The following TFAP2B variants were observed in gnomAD, a reference collection of about 807,000 sequenced individuals.
TFAP2B encodes transcription factor AP-2-beta.
In TFAP2B, 9 loss-of-function variants were observed where a neutral mutation model predicts 44.3. The observed-to-expected ratio is 0.20, with a 90% CI of 0.12 to 0.35. TFAP2B has a LOEUF of 0.35. Among genes scored for constraint, TFAP2B ranks in the 10% least tolerant of loss-of-function variants. The pLI, the probability that TFAP2B is intolerant of heterozygous loss-of-function variation, is 1.00. For missense variants in TFAP2B, 509 were observed against 600.0 expected (o/e 0.85, Z 1.59); for synonymous variants, 270 against 263.8 (o/e 1.02, Z -0.23).
intron 3 of TFAP2B, 126 bp downstream of exon 3, chr6:50,828,805 C>A: frequency 4.5e-6 from 5 of 1,118,652 alleles, no homozygotes; most frequent in African/African-American, 1.5e-5. Context: ...AATTATAGGA[C>A]AATGGCTGTC....
Position 50,836,182 on chromosome 6 carries a change from T to C in TFAP2B, c.723T>C (p.Ser241=). The change falls in exon 4 of 7, where the codon AGT becomes AGC. Residue 241 remains serine (S), a synonymous_variant. Coordinates refer to ENST00000393655, the MANE Select transcript of TFAP2B (RefSeq NM_003221.4). The part of the protein sequence containing the change: ...CSVPGRLSLL[S]STSKYKVTVG... ...TCCCAGGCCGTTTGTCTCTGCTCAG[T>C]TCAACTTCGAAGTACAAAGTAACTG... 1.2e-6 allele frequency: 2 copies of C among 1,614,044 alleles called. No individual in the cohort carries two copies. The highest frequency in any genetic ancestry group is 1.7e-6 in the Non-Finnish European group (2 of 1,180,030).
intron 6 of TFAP2B, 111 bp from the exon 7 acceptor site, chr6:50,842,981 C>T (rs967595786): frequency 7.0e-7 from 1 of 1,419,320 alleles, no homozygotes; most frequent in Non-Finnish European, 1.0e-6. Flanking sequence ...CCCACATTAG[C>T]CTCGCTCTTC....
chr6:50,824,640 T>C (rs780558753), intron 2 of TFAP2B, among the ~76,000 whole-genome samples: 17 of 152,218 alleles, frequency 1.1e-4, no homozygotes, highest in South Asian at 8.3e-4. Context: ...ATATTAACAC[T>C]CTTCTCTCCC....
At position 50,844,605 on chromosome 6, in the gene TFAP2B, C is replaced by G. The variant is rs1581835306; in HGVS notation, c.*1213C>G. The stretch of plus-strand genomic sequence containing the variant: ...TTTGAATCTACATGCTAACATTCCT[C>G]AACACTCCAATTCCGGTGGAGGTGG... On this transcript the variant is annotated 3_prime_UTR_variant, in exon 7 of 7. Transcript: ENST00000393655. 6.6e-6 allele frequency: 1 copy of G among 152,670 alleles called. No homozygotes were observed. Among genetic ancestry groups the G allele is most frequent in the East Asian group, 1.9e-4 (1 of 5,202 alleles). 9.5% of individuals were successfully genotyped at this position (152,670 alleles called of 1,614,324 possible). A position where few individuals can be genotyped will look rare whatever the true frequency, so the allele number is the denominator to read the frequency against.
At chr6:50,839,344 G>A (rs1206503640) in intron 5 of TFAP2B, among the ~76,000 whole-genome samples, 1 of 152,162 alleles carries the variant, frequency 6.6e-6, no homozygotes, top group African/African-American at 2.4e-5. Flanking sequence ...ATGATTAAAA[G>A]TAAGTCATCC....
chr6:50,820,391 G>A (rs76542336), intron 1 of TFAP2B, among the ~76,000 whole-genome samples: 2 of 151,280 alleles, frequency 1.3e-5, no homozygotes, highest in African/African-American at 4.9e-5. Context: ...CACACCTCCT[G>A]CCCCCCCCCG....
intron 3 of TFAP2B, 43 bp downstream of exon 3, chr6:50,828,722 G>C (rs369014312): frequency 3.1e-6 from 5 of 1,599,668 alleles, no homozygotes; most frequent in Non-Finnish European, 4.3e-6. Context: ...GTTCTCTCAT[G>C]CATTAACGTC....
intron 1 of TFAP2B, among the ~76,000 whole-genome samples, chr6:50,820,391 GC>G (rs3839386): frequency 0.32 from 49,121 of 151,334 alleles, 8,150 homozygotes; most frequent in Admixed American, 0.39. Flanking sequence ...CACACCTCCT[GC>G]CCCCCCCCGA....
intron 1 of TFAP2B, among the ~76,000 whole-genome samples, chr6:50,819,367 T>G (rs1259521726): frequency 6.6e-6 from 1 of 151,884 alleles, no homozygotes; most frequent in Non-Finnish European, 1.5e-5. Flanking sequence ...AATTGGGTTT[T>G]CAAGCCTCAT....
rs774302160 is a variant in TFAP2B at position 50,843,345 on chromosome 6, G to A, written c.1336G>A (p.Gly446Ser). 8.7e-6 allele frequency: 14 copies of A among 1,614,108 alleles called. No individual in the cohort carries two copies. Among genetic ancestry groups the A allele is most frequent in the Admixed American group, 6.7e-5 (4 of 60,026 alleles). ...CACTAACAGGCACACGTCTGGGGAA[G>A]GCCCAGGTAGTAAAACTGGCGACAA... is the stretch of plus-strand genomic sequence containing the variant. ...TTTNRHTSGE[G>S]PGSKTGDKEE... The change falls in exon 7 of 7, where the codon GGC (glycine) becomes AGC (serine). Residue 446 changes from glycine to serine, a missense_variant. Gly to Ser is a moderately conservative substitution (Grantham distance 56). Coordinates refer to ENST00000393655, the MANE Select transcript of TFAP2B (RefSeq NM_003221.4).
intron 1 of TFAP2B, among the ~76,000 whole-genome samples, chr6:50,819,837 G>A (rs1257736516): frequency 8.8e-6 from 1 of 113,932 alleles, no homozygotes; most frequent in South Asian, 2.7e-4. Flanking sequence ...CGAGGCGGCC[G>A]AGGCGGGCGA....
At chr6:50,829,603 G>A (rs1770619907) in intron 3 of TFAP2B, among the ~76,000 whole-genome samples, 2 of 152,214 alleles carry the variant, frequency 1.3e-5, no homozygotes, top group Non-Finnish European at 2.9e-5. Context: ...TCTCATGGAT[G>A]TCGAAGAAAT....
At position 50,840,297 on chromosome 6, in the gene TFAP2B, A is replaced by T; in HGVS notation, c.1082A>T (p.Lys361Met). 6.2e-7 allele frequency: 1 copy of T among 1,613,714 alleles called. No individual in the cohort carries two copies. The change falls in exon 6 of 7, where the codon AAG becomes ATG. Residue 361 changes from lysine to methionine, a missense_variant and splice_region_variant. Physicochemically the swap from Lys to Met is moderately conservative, Grantham distance 95. This residue lies in a region of TFAP2B where 168 missense variants were observed against 183.2 expected (regional missense o/e 0.92). Coordinates refer to ENST00000393655, the MANE Select transcript of TFAP2B (RefSeq NM_003221.4). Reference sequence around the variant, plus strand: ...CGAAAGAATATGCTGTTGGCCACCAAGTGAGTTTATTAGACTCTGGGCCCT... The same window carrying T: ...CGAAAGAATATGCTGTTGGCCACCATGTGAGTTTATTAGACTCTGGGCCCT... The part of the protein sequence containing the change: ...HSRKNMLLAT[K>M]QLCKEFTDLL...
chr6:50,823,905 C>G, intron 2 of TFAP2B, 40 bp downstream of exon 2: 3 of 1,531,262 alleles, frequency 2.0e-6, no homozygotes, highest in Non-Finnish European at 2.6e-6. Flanking sequence ...AAAAAGACCA[C>G]GAATAAGGAA....
At position 50,823,737 on chromosome 6, in the gene TFAP2B, C is replaced by G; in HGVS notation, c.412C>G (p.Arg138Gly). 1 of 1,611,094 alleles carries G rather than the reference C, an allele frequency of 6.2e-7. No individual in the cohort carries two copies. Among genetic ancestry groups the G allele is most frequent in the East Asian group, 2.2e-5 (1 of 44,730 alleles). ...ALPQLSGLDP[R>G]RDYHSVRRPD... The stretch of plus-strand genomic sequence containing the variant: ...GCCCCAGCTCTCGGGCCTTGACCCC[C>G]GGAGGGACTACCACTCGGTCCGCCG... Residue 138 changes from arginine to glycine, a missense_variant, in exon 2 of 7, where the codon CGG becomes GGG. Transcript: ENST00000393655.
chr6:50,827,922 G>A lies in TFAP2B; in HGVS notation c.541-697G>A, dbSNP rs144441261. On this transcript the variant is annotated intron_variant, in intron 2 of 6. Coordinates refer to ENST00000393655, the MANE Select transcript of TFAP2B (RefSeq NM_003221.4). The stretch of plus-strand genomic sequence containing the variant: ...CCTAGGTGCTGACTGGGAGGATCTA[G>A]ACCTTTGTGTGTGTCTGCTTGTCTG... 2.0e-5 allele frequency among the ~76,000 whole-genome samples: 3 copies of A among 152,308 alleles called. No homozygotes were observed. The East Asian group carries it at 5.8e-4, about 29-fold the overall frequency.
At position 50,823,804 on chromosome 6, in the gene TFAP2B, C is replaced by G. The variant is rs1258247846; in HGVS notation, c.479C>G (p.Ala160Gly). Reference protein sequence around the residue: ...LLHSAHHGLDAGMGDSLSLHG... With the variant: ...LLHSAHHGLDGGMGDSLSLHG... ...CATTCGGCGCACCACGGCCTGGACG[C>G]GGGCATGGGTGACAGCCTCTCGCTG... is the stretch of plus-strand genomic sequence containing the variant. Residue 160 changes from alanine (A) to glycine (G), a missense_variant, in exon 2 of 7, where the codon GCG (alanine) becomes GGG (glycine). Ala to Gly is a moderately conservative substitution (Grantham distance 60). This residue lies in a region of TFAP2B where 296 missense variants were observed against 308.2 expected (regional missense o/e 0.96). Coordinates refer to ENST00000393655, the MANE Select transcript of TFAP2B (RefSeq NM_003221.4). The G allele has an allele frequency of 1.9e-6, 3 of 1,578,324 alleles. No individual in the cohort carries two copies. The highest frequency in any genetic ancestry group is 2.6e-6 in the Non-Finnish European group (3 of 1,162,186).
At chr6:50,843,026 T>A in intron 6 of TFAP2B, 66 bp from the exon 7 acceptor site, 1 of 1,605,470 alleles carries the variant, frequency 6.2e-7, no homozygotes, top group Non-Finnish European at 8.5e-7. Flanking sequence ...TGTGAGCGTC[T>A]CCTTTCTAAT....
intron 2 of TFAP2B, among the ~76,000 whole-genome samples, chr6:50,825,925 G>C (rs985914970): frequency 2.0e-5 from 3 of 152,138 alleles, no homozygotes; most frequent in South Asian, 2.1e-4. Context: ...AGACAGGGAC[G>C]GTCTCTGCCT....
Sources: gnomAD v4.1 joint callset for allele counts (sites outside exome capture counted in the v4.1 genomes callset) on GRCh38, gnomAD v4.1.1 for gene constraint, gnomAD v4.1.1 regional missense constraint, MANE v1.5 for transcripts, NCBI Gene and HGNC (gene_info 2026-07-23, HGNC 2026-07-21) for gene names.